Variants in PCDHA3 observed in about 807,000 individuals in gnomAD.
PCDHA3 encodes protocadherin alpha 3, also known as protocadherin alpha-3.
Under a neutral mutation model 62.2 loss-of-function variants are expected in PCDHA3, and 41 were observed. The ratio of observed to expected loss-of-function variants is 0.66; its 90% CI spans 0.51 to 0.86. PCDHA3 has a LOEUF of 0.86. PCDHA3 is among the 40% of genes least tolerant of loss of function. The pLI is 0.00. For synonymous variants in PCDHA3, 640 were observed against 555.4 expected (o/e 1.15, Z -2.14); for missense variants, 1,304 against 1,241.2 (o/e 1.05, Z -0.76).
intron 1 of PCDHA3, chr5:140,869,228 G>A (rs782726206): frequency 6.2e-7 from 1 of 1,613,764 alleles, no homozygotes; most frequent in Non-Finnish European, 8.5e-7. Context: ...GCCAAACACG[G>A]CACCTTCGTG....
rs550257645 is a variant in PCDHA3 at position 140,858,423 on chromosome 5, A to G, written c.2394+54832A>G. 7.3e-5 allele frequency: 113 copies of G among 1,554,520 alleles called. 7 individuals carry two copies. In the South Asian group the frequency reaches 1.0e-3, roughly 14 times the overall value. On this transcript the variant is annotated intron_variant, in intron 1 of 3. Coordinates refer to ENST00000522353, the MANE Select transcript of PCDHA3 (RefSeq NM_018906.3). ...GGGGAAGATCAGTCTATTGGAGGGG[A>G]CCACTCTAGGAAGGTGGGTTATTAC...
chr5:140,883,262 G>T (rs1211665444), intron 1 of PCDHA3: 1 of 1,613,956 alleles, frequency 6.2e-7, no homozygotes. Flanking sequence ...TCCAATGGCG[G>T]GTCATTGTAC....
chr5:140,870,107 T>C, intron 1 of PCDHA3: 1 of 1,613,786 alleles, frequency 6.2e-7, no homozygotes, highest in Admixed American at 1.7e-5. Flanking sequence ...CACTGTACAG[T>C]CTGGGTGGAA....
At chr5:140,813,295 A>T (rs1554126164) in intron 1 of PCDHA3, 1 of 152,192 alleles carries the variant, frequency 6.6e-6, no homozygotes, top group African/African-American at 2.4e-5. Flanking sequence ...TCATTCTGAG[A>T]TTTCATCACT....
At chr5:140,921,134 C>G (rs2080042608) in intron 1 of PCDHA3, among the ~76,000 whole-genome samples, 1 of 111,400 alleles carries the variant, frequency 9.0e-6, no homozygotes, top group African/African-American at 3.7e-5. Flanking sequence ...GTGCACACCA[C>G]TACACCCAGC....
chr5:141,010,325 G>T lies in PCDHA3; in HGVS notation c.*388G>T. On this transcript the variant is annotated 3_prime_UTR_variant, in exon 4 of 4. Coordinates refer to ENST00000522353, the MANE Select transcript of PCDHA3 (RefSeq NM_018906.3). Reference sequence around the variant, plus strand: ...GAAAAGTTTTGAGATTGAGCAGCTTGGGAGTTTGTGGCCACTGGGTATGTG... The same window carrying T: ...GAAAAGTTTTGAGATTGAGCAGCTTTGGAGTTTGTGGCCACTGGGTATGTG... 1 of 1,539,506 alleles carries T rather than the reference G, an allele frequency of 6.5e-7. No individual in the cohort carries two copies. The highest frequency in any genetic ancestry group is 8.7e-7 in the Non-Finnish European group (1 of 1,142,888).
intron 1 of PCDHA3, among the ~76,000 whole-genome samples, chr5:140,820,699 T>A (rs992254972): frequency 6.6e-6 from 1 of 152,096 alleles, no homozygotes; most frequent in African/African-American, 2.4e-5. Flanking sequence ...GATATTCTTT[T>A]CAACATGATT....
chr5:140,835,538 T>A, intron 1 of PCDHA3: 1 of 1,613,946 alleles, frequency 6.2e-7, no homozygotes, highest in African/African-American at 1.3e-5. Context: ...ACGGACAGGT[T>A]ACCTGCTCCC....
At chr5:140,835,889 C>T (rs1774023862) in intron 1 of PCDHA3, 2 of 1,611,938 alleles carry the variant, frequency 1.2e-6, no homozygotes, top group East Asian at 2.2e-5. Context: ...TGGGCGAGCG[C>T]GCGCTGTCGA....
intron 2 of PCDHA3, among the ~76,000 whole-genome samples, chr5:140,981,989 A>G (rs1343187322): frequency 2.0e-5 from 3 of 152,236 alleles, no homozygotes; most frequent in African/African-American, 4.8e-5. Flanking sequence ...AAAATAGAAA[A>G]TAAGGTTAAG....
intron 1 of PCDHA3, chr5:140,883,566 C>A: frequency 1.2e-5 from 19 of 1,614,176 alleles, no homozygotes; most frequent in Non-Finnish European, 1.5e-5. Flanking sequence ...GGGGGCTCGC[C>A]TTCGCTGTGG....
At chr5:140,859,400 G>T in intron 1 of PCDHA3, 1 of 258,574 alleles carries the variant, frequency 3.9e-6, no homozygotes, top group South Asian at 8.7e-5. Context: ...CTTAAACAGG[G>T]TTGGGTTAGA....
Position 140,982,485 on chromosome 5 carries a change from C to T in PCDHA3, c.2464C>T (p.Leu822=). 1 of 1,614,100 alleles carries T rather than the reference C, an allele frequency of 6.2e-7. No homozygotes were observed. The highest frequency in any genetic ancestry group is 8.5e-7 in the Non-Finnish European group (1 of 1,180,004). The part of the protein sequence containing the change: ...LRAGMHSSVH[L]EEAGILRAGP... ...TGTGTGTTTATTCAGCTCTGTGCAC[C>T]TAGAGGAGGCTGGCATTCTACGGGC... The change falls in exon 3 of 4, where the codon CTA becomes TTA. Residue 822 remains leucine (L), a synonymous_variant. Coordinates refer to ENST00000522353, the MANE Select transcript of PCDHA3 (RefSeq NM_018906.3).
At chr5:140,823,637 T>A (rs17844297) in intron 1 of PCDHA3, 1 of 1,613,892 alleles carries the variant, frequency 6.2e-7, no homozygotes, top group East Asian at 2.2e-5. Flanking sequence ...CGCATCCCGT[T>A]CCGCGTGGGG....
chr5:140,828,662 C>A (rs1769875553), intron 1 of PCDHA3: 1 of 1,614,006 alleles, frequency 6.2e-7, no homozygotes, highest in African/African-American at 1.3e-5. Context: ...TGACAATAAA[C>A]AAATTGGGCT....
At chr5:140,968,020 C>G (rs1554230190) in intron 1 of PCDHA3, 1 of 1,614,202 alleles carries the variant, frequency 6.2e-7, no homozygotes, top group Non-Finnish European at 8.5e-7. Context: ...TTGGAAACTC[C>G]TATACACTGG....
intron 1 of PCDHA3, among the ~76,000 whole-genome samples, chr5:140,911,105 G>A (rs960375597): frequency 3.2e-4 from 48 of 152,082 alleles, no homozygotes; most frequent in African/African-American, 1.2e-3. Flanking sequence ...CTGCCTCAGG[G>A]GAAGCCATCA....
rs1180805331 is a variant in PCDHA3 at position 140,853,371 on chromosome 5, G to C, written c.2394+49780G>C. On this transcript the variant is annotated intron_variant, in intron 1 of 3. Coordinates refer to ENST00000522353, the MANE Select transcript of PCDHA3 (RefSeq NM_018906.3). ...ATGAACTCACAGGGATCCAGAGATGGTAAAATTCAAAACAGCCTGTCAAGT... is the reference window on the plus strand; with the variant it reads ...ATGAACTCACAGGGATCCAGAGATGCTAAAATTCAAAACAGCCTGTCAAGT... 3.0e-6 allele frequency: 3 copies of C among 983,910 alleles called. No homozygotes were observed. In the African/African-American group the frequency reaches 5.3e-5, roughly 17 times the overall value. The allele number at this position is 983,910 out of a possible 1,614,324, so 60.9% of individuals were successfully genotyped here.
chr5:140,821,251 C>G (rs1766928328), intron 1 of PCDHA3, among the ~76,000 whole-genome samples: 1 of 152,094 alleles, frequency 6.6e-6, no homozygotes, highest in Admixed American at 6.5e-5. Flanking sequence ...AACTTTAACT[C>G]TTAAAAGTTA....
Sources: gnomAD v4.1 joint callset for allele counts (sites outside exome capture counted in the v4.1 genomes callset) on GRCh38, gnomAD v4.1.1 for gene constraint, MANE v1.5 for transcripts, NCBI Gene and HGNC (gene_info 2026-07-23, HGNC 2026-07-21) for gene names.